CERKL: variants seen among roughly 807,000 people sequenced by gnomAD.
CERKL encodes CERK like autophagy regulator.
A neutral mutation model predicts 63.4 loss-of-function variants in CERKL; 61 were observed. The ratio of observed to expected loss-of-function variants is 0.96; its 90% CI spans 0.78 to 1.19. CERKL has a LOEUF of 1.19. CERKL is among the 50% of genes most tolerant of loss of function. CERKL has a pLI of 0.00. For missense variants in CERKL, 675 were observed against 655.5 expected (o/e 1.03, Z -0.33); for synonymous variants, 250 against 230.5 (o/e 1.08, Z -0.77).
chr2:181,616,564 A>C (rs1574502145), intron 1 of CERKL, among the ~76,000 whole-genome samples: 1 of 152,178 alleles, frequency 6.6e-6, no homozygotes, highest in Non-Finnish European at 1.5e-5. Flanking sequence ...GCTAATCTTT[A>C]ATACCTATGA....
intron 5 of CERKL, among the ~76,000 whole-genome samples, chr2:181,553,950 G>C (rs965419538): frequency 1.1e-4 from 17 of 152,012 alleles, no homozygotes; most frequent in Non-Finnish European, 2.1e-4. Flanking sequence ...TAACAATGGC[G>C]TAATTTTAAT....
In CERKL at chr2:181,537,405, A is replaced by G. The variant is rs954362316; in HGVS notation, c.*779T>C. On this transcript the variant is annotated 3_prime_UTR_variant, in exon 13 of 13. Transcript: ENST00000410087. ...TGGGCTAGATTTTGCCCAGTTCAAA[A>G]TAGTATTTGTTATCAACTTACTTTG... 2 of 450,118 alleles carry G rather than the reference A, an allele frequency of 4.4e-6. No homozygotes were observed. Among genetic ancestry groups the G allele is most frequent in the African/African-American group, 4.0e-5 (2 of 49,808 alleles). The allele number at this position is 450,118 out of a possible 1,614,324, so 27.9% of individuals were successfully genotyped here. A position where few individuals can be genotyped will look rare whatever the true frequency, so the allele number is the denominator to read the frequency against.
At chr2:181,548,341 A>C (rs1559071714) in intron 8 of CERKL, 2 of 587,058 alleles carry the variant, frequency 3.4e-6, no homozygotes, top group African/African-American at 3.8e-5. Flanking sequence ...GGGGGAAGGA[A>C]GGGAGGAAAG....
At chr2:181,642,426 GTT>G (rs897883123) in intron 1 of CERKL, among the ~76,000 whole-genome samples, 1 of 152,132 alleles carries the variant, frequency 6.6e-6, no homozygotes, top group African/African-American at 2.4e-5. Context: ...TTTTGAAATT[GTT>G]TTTTCTCATT....
intron 1 of CERKL, among the ~76,000 whole-genome samples, 180 bp downstream of exon 1, chr2:181,656,589 G>T (rs1449201720): frequency 6.6e-6 from 1 of 151,568 alleles, no homozygotes; most frequent in Admixed American, 6.6e-5. Flanking sequence ...TGAGTTCCCA[G>T]TTGGGAAGGA....
intron 1 of CERKL, among the ~76,000 whole-genome samples, chr2:181,651,193 C>T (rs1329949071): frequency 1.3e-5 from 2 of 152,168 alleles, no homozygotes; most frequent in African/African-American, 4.8e-5. Context: ...AAGCATCACC[C>T]TAATTCCAAA....
chr2:181,548,733 C>T lies in CERKL; in HGVS notation c.1020G>A (p.Met340Ile). ...TLALAEKYRWMSPNQRRDFAV... is the reference protein window; with the variant it reads ...TLALAEKYRWISPNQRRDFAV... ...CAAAATCTCTCCGTTGGTTAGGGGACATCCATCGATATTTTTCTGCCAGAG... is the reference window on the plus strand; with the variant it reads ...CAAAATCTCTCCGTTGGTTAGGGGATATCCATCGATATTTTTCTGCCAGAG... The change falls in exon 7 of 13, where the codon ATG becomes ATA. Residue 340 changes from methionine to isoleucine, a missense_variant. By Grantham distance (10) the Met-to-Ile change is conservative. Transcript: ENST00000410087. The T allele has an allele frequency of 6.2e-7, 1 of 1,614,038 alleles. No homozygotes were observed. The highest frequency in any genetic ancestry group is 1.7e-5 in the Admixed American group (1 of 59,984).
intron 1 of CERKL, among the ~76,000 whole-genome samples, chr2:181,655,835 TTGA>T (rs1410931840): frequency 6.6e-6 from 1 of 152,232 alleles, no homozygotes; most frequent in East Asian, 1.9e-4. Flanking sequence ...TAGAGTAACC[TTGA>T]TGTAGTTCCT....
chr2:181,624,830 T>C (rs762569332), intron 1 of CERKL, among the ~76,000 whole-genome samples: 14 of 152,208 alleles, frequency 9.2e-5, no homozygotes, highest in South Asian at 2.1e-4. Flanking sequence ...GGAAAATCTA[T>C]AGGAGGTACA....
chr2:181,609,785 T>C (rs1283770485), intron 1 of CERKL, among the ~76,000 whole-genome samples: 1 of 152,044 alleles, frequency 6.6e-6, no homozygotes, highest in Non-Finnish European at 1.5e-5. Flanking sequence ...ACAATAGAAG[T>C]ATCTAGGAAT....
intron 1 of CERKL, among the ~76,000 whole-genome samples, chr2:181,646,674 A>G (rs1490167953): frequency 6.6e-6 from 1 of 152,250 alleles, no homozygotes; most frequent in Admixed American, 6.5e-5. Flanking sequence ...TTCCCATGAG[A>G]GACTGATAAA....
At chr2:181,545,572 G>A (rs145495737) in intron 10 of CERKL, among the ~76,000 whole-genome samples, 114 of 152,262 alleles carry the variant, frequency 7.5e-4, no homozygotes, top group Non-Finnish European at 1.5e-3. Flanking sequence ...TCAAGTCAGA[G>A]CTGTAAGGGA....
intron 1 of CERKL, among the ~76,000 whole-genome samples, chr2:181,647,221 G>A (rs1687707563): frequency 2.0e-5 from 3 of 152,168 alleles, no homozygotes; most frequent in Non-Finnish European, 4.4e-5. Flanking sequence ...AAATGGAAAA[G>A]GTCTAGAAAG....
intron 3 of CERKL, among the ~76,000 whole-genome samples, chr2:181,570,535 G>A (rs545175114): frequency 6.6e-6 from 1 of 152,088 alleles, no homozygotes; most frequent in African/African-American, 2.4e-5. Flanking sequence ...GTACGAATAG[G>A]TAATTAGGAA....
intron 1 of CERKL, among the ~76,000 whole-genome samples, chr2:181,643,986 A>G (rs937537429): frequency 5.9e-5 from 9 of 152,194 alleles, no homozygotes; most frequent in African/African-American, 1.9e-4. Context: ...GATGTCCCAA[A>G]AGTTTTTCCT....
At chr2:181,613,811 C>T (rs573404226) in intron 1 of CERKL, among the ~76,000 whole-genome samples, 10 of 152,114 alleles carry the variant, frequency 6.6e-5, no homozygotes, top group Non-Finnish European at 1.3e-4. Context: ...CAATATTAAC[C>T]ATTTATGCTA....
At position 181,561,696 on chromosome 2, in the gene CERKL, T is replaced by C. The variant is rs1439007262; in HGVS notation, c.678-2988A>G. Among the ~76,000 whole-genome samples the C allele has an allele frequency of 2.0e-5, 3 of 152,204 alleles. No individual in the cohort carries two copies. The East Asian group carries it at 5.8e-4, about 29-fold the overall frequency. The stretch of plus-strand genomic sequence containing the variant: ...TAAGAGTTTGATACCTTTTAAGGTC[T>C]GATAAGAGATATTGACCATCTATTC... On this transcript the variant is annotated intron_variant, in intron 4 of 12. Transcript: ENST00000410087.
intron 1 of CERKL, among the ~76,000 whole-genome samples, chr2:181,625,641 T>C (rs1686664113): frequency 6.6e-6 from 1 of 152,202 alleles, no homozygotes; most frequent in Non-Finnish European, 1.5e-5. Flanking sequence ...GAAAGGACAC[T>C]GGTGTAGGAA....
chr2:181,558,779 C>T lies in CERKL; in HGVS notation c.678-71G>A, dbSNP rs1420609264. 2.7e-6 allele frequency: 4 copies of T among 1,504,850 alleles called. No individual in the cohort carries two copies. The highest frequency in any genetic ancestry group is 3.7e-6 in the Non-Finnish European group (4 of 1,084,974). 93.2% of individuals were successfully genotyped at this position (1,504,850 alleles called of 1,614,324 possible). Reference sequence around the variant, plus strand: ...TTGGTAATAAGTCATGAAATCTAGACTTCAAAATAGTTTACTAATTTGTAG... The same window carrying T: ...TTGGTAATAAGTCATGAAATCTAGATTTCAAAATAGTTTACTAATTTGTAG... On this transcript the variant is annotated intron_variant, in intron 4 of 12. Coordinates refer to ENST00000410087, the MANE Select transcript of CERKL (RefSeq NM_201548.5). The surrounding 1 kb of genome is among the most constrained non-coding windows in gnomAD (Gnocchi z 4.2).
Sources: allele counts gnomAD v4.1 joint callset (sites outside exome capture counted in the v4.1 genomes callset), GRCh38; gene constraint gnomAD v4.1.1; non-coding constraint Gnocchi (gnomAD v3.1); transcripts MANE v1.5; gene names NCBI Gene and HGNC (gene_info 2026-07-23, HGNC 2026-07-21).